The following AP3M2 variants were observed in gnomAD, a reference collection of about 807,000 sequenced individuals.
AP3M2 encodes adaptor related protein complex 3 subunit mu 2.
In AP3M2, 28 loss-of-function variants were observed where a neutral mutation model predicts 41.6. The ratio of observed to expected loss-of-function variants is 0.67; its 90% CI spans 0.50 to 0.92. The LOEUF (loss-of-function observed/expected upper bound fraction) is 0.92. Among genes scored for constraint, AP3M2 ranks in the 40% least tolerant of loss-of-function variants. The pLI, the probability that AP3M2 is intolerant of heterozygous loss-of-function variation, is 0.00. For synonymous variants in AP3M2, 193 were observed against 186.4 expected (o/e 1.04, Z -0.29); for missense variants, 427 against 521.4 (o/e 0.82, Z 1.76).
chr8:42,164,445 C>G (rs1489214158), intron 4 of AP3M2, among the ~76,000 whole-genome samples: 1 of 152,014 alleles, frequency 6.6e-6, no homozygotes, highest in Non-Finnish European at 1.5e-5. Flanking sequence ...GTAAAATAAC[C>G]CAGGAGAGTG....
At chr8:42,155,107 C>A in intron 2 of AP3M2, 147 bp downstream of exon 2, 1 of 702,590 alleles carries the variant, frequency 1.4e-6, no homozygotes, top group South Asian at 1.9e-5. Context: ...TGATAAGATT[C>A]TGGTTTCTAT....
At chr8:42,154,595 T>G in intron 1 of AP3M2, 21 bp from the exon 2 acceptor site, 1 of 1,528,342 alleles carries the variant, frequency 6.5e-7, no homozygotes, top group East Asian at 2.3e-5. Context: ...TGGAACTGAA[T>G]ATCGCTGCTT....
Position 42,154,284 on chromosome 8 carries a change from T to C in AP3M2, c.-72-332T>C, listed in dbSNP as rs2150956253. ...CTTGGAAGCCCTCTTCAAAGAACACTGATTGTGTTGCAGTCAGGCAACGCA... is the reference window on the plus strand; with the variant it reads ...CTTGGAAGCCCTCTTCAAAGAACACCGATTGTGTTGCAGTCAGGCAACGCA... On this transcript the variant is annotated intron_variant, in intron 1 of 8. Coordinates refer to ENST00000396926, the MANE Select transcript of AP3M2 (RefSeq NM_006803.4). 2 of 181,050 alleles carry C rather than the reference T, an allele frequency of 1.1e-5. 1 individual carries two copies. Among genetic ancestry groups the C allele is most frequent in the Middle Eastern group, 5.3e-3 (2 of 380 alleles). The allele number at this position is 181,050 out of a possible 1,614,324, so 11.2% of individuals were successfully genotyped here. A position where few individuals can be genotyped will look rare whatever the true frequency, so the allele number is the denominator to read the frequency against.
At chr8:42,157,832 A>G (rs1009903913) in intron 2 of AP3M2, 109 bp from the exon 3 acceptor site, 1 of 1,084,374 alleles carries the variant, frequency 9.2e-7, no homozygotes, top group Non-Finnish European at 1.3e-6. Context: ...AGAGTAGCCC[A>G]GAAACACATG....
intron 6 of AP3M2, 149 bp from the exon 7 acceptor site, chr8:42,167,014 GT>G (rs1305768702): frequency 4.5e-6 from 3 of 665,660 alleles, no homozygotes; most frequent in East Asian, 2.7e-5. Flanking sequence ...GATTACTGGG[GT>G]TTTTTTCTGT....
intron 6 of AP3M2, 97 bp from the exon 7 acceptor site, chr8:42,167,067 A>C: frequency 9.7e-7 from 1 of 1,027,606 alleles, no homozygotes; most frequent in African/African-American, 1.6e-5. Context: ...TTAAGGGAGA[A>C]GAAGCTACCC....
At chr8:42,155,916 A>G (rs1200140009) in intron 2 of AP3M2, 1 of 452,540 alleles carries the variant, frequency 2.2e-6, no homozygotes, top group Non-Finnish European at 4.4e-6. Flanking sequence ...CCACGTCTAG[A>G]ACAACTTCCC....
chr8:42,167,397 T>TG (rs1564119388), intron 7 of AP3M2, 26 bp downstream of exon 7: 4 of 1,609,986 alleles, frequency 2.5e-6, no homozygotes, highest in Non-Finnish European at 3.4e-6. Context: ...ACATCTTGAA[T>TG]TGCTGATGTT....
chr8:42,156,165 C>T (rs147364554), intron 2 of AP3M2: 2 of 363,016 alleles, frequency 5.5e-6, no homozygotes, highest in South Asian at 2.1e-5. Flanking sequence ...GATTAACAGT[C>T]GCACTGGTGA....
intron 2 of AP3M2, among the ~76,000 whole-genome samples, chr8:42,156,841 G>C (rs181354317): frequency 1.2e-4 from 18 of 152,274 alleles, no homozygotes; most frequent in Non-Finnish European, 2.1e-4. Flanking sequence ...GAAGTATCTT[G>C]AAAGTGTGGC....
At chr8:42,159,561 G>A (rs1804449070) in intron 3 of AP3M2, among the ~76,000 whole-genome samples, 1 of 151,990 alleles carries the variant, frequency 6.6e-6, no homozygotes, top group Admixed American at 6.6e-5. Context: ...TTGTTGAAAT[G>A]TATTTCTTTT....
At position 42,169,468 on chromosome 8, in the gene AP3M2, T is replaced by G. The variant is rs1278241153; in HGVS notation, c.*407T>G. On this transcript the variant is annotated 3_prime_UTR_variant, in exon 9 of 9. Transcript: ENST00000396926. ...AAGAAAGATGGGAAGAAAATGAATG[T>G]CAGTCAAGGAAAGGCCACTTAAGGA... The G allele has an allele frequency of 6.5e-6, 1 of 154,464 alleles. No homozygotes were observed. Among genetic ancestry groups the G allele is most frequent in the East Asian group, 1.9e-4 (1 of 5,276 alleles). The allele number at this position is 154,464 out of a possible 1,614,324, so 9.6% of individuals were successfully genotyped here. A position where few individuals can be genotyped will look rare whatever the true frequency, so the allele number is the denominator to read the frequency against.
At position 42,165,434 on chromosome 8, in the gene AP3M2, G is replaced by T; in HGVS notation, c.677G>T (p.Arg226Met). 6.2e-7 allele frequency: 1 copy of T among 1,614,132 alleles called. No individual in the cohort carries two copies. Among genetic ancestry groups the T allele is most frequent in the Non-Finnish European group, 8.5e-7 (1 of 1,180,012 alleles). ...CTCTCCTGATGACTGTAGAACCCTAGGTTGTTGGATGATGTCAGCTTCCAT... is the reference window on the plus strand; with the variant it reads ...CTCTCCTGATGACTGTAGAACCCTATGTTGTTGGATGATGTCAGCTTCCAT... ...PDLTLSFMNP[R>M]LLDDVSFHPC... The change falls in exon 6 of 9, where the codon AGG (arginine) becomes ATG (methionine). Residue 226 changes from arginine (R) to methionine (M), a missense_variant. Arg to Met is a moderately conservative substitution (Grantham distance 91). Transcript: ENST00000396926.
At chr8:42,155,404 A>G (rs1342653503) in intron 2 of AP3M2, among the ~76,000 whole-genome samples, 1 of 152,246 alleles carries the variant, frequency 6.6e-6, no homozygotes, top group Non-Finnish European at 1.5e-5. Context: ...GGGGTAACTC[A>G]TGAACCTGTA....
intron 6 of AP3M2, chr8:42,165,823 T>C (rs567505470): frequency 5.6e-6 from 2 of 356,228 alleles, no homozygotes; most frequent in South Asian, 7.8e-5. Context: ...GAAGTGCTCA[T>C]TAAGTTTGCT....
chr8:42,162,154 C>G (rs1475819019), intron 3 of AP3M2, 127 bp from the exon 4 acceptor site: 2 of 934,306 alleles, frequency 2.1e-6, no homozygotes, highest in East Asian at 5.6e-5. Context: ...GGAAAAACCT[C>G]ATCTTCTGTT....
chr8:42,164,052 G>A (rs1804576556), intron 4 of AP3M2, among the ~76,000 whole-genome samples: 1 of 152,152 alleles, frequency 6.6e-6, no homozygotes, highest in Non-Finnish European at 1.5e-5. Context: ...TGGGCCTGAA[G>A]GCAGGGAGCA....
At chr8:42,157,489 C>T (rs1804384719) in intron 2 of AP3M2, among the ~76,000 whole-genome samples, 1 of 152,200 alleles carries the variant, frequency 6.6e-6, no homozygotes, top group African/African-American at 2.4e-5. Flanking sequence ...TTGTCCCCTT[C>T]ATTTCATTTT....
At chr8:42,154,584 A>G in intron 1 of AP3M2, 32 bp from the exon 2 acceptor site, 4 of 1,502,266 alleles carry the variant, frequency 2.7e-6, no homozygotes, top group Non-Finnish European at 3.5e-6. Context: ...TTTTGGTTGA[A>G]TGGAACTGAA....
Sources: allele counts gnomAD v4.1 joint callset (sites outside exome capture counted in the v4.1 genomes callset), GRCh38; gene constraint gnomAD v4.1.1; transcripts MANE v1.5; gene names NCBI Gene and HGNC (gene_info 2026-07-23, HGNC 2026-07-21).